Variants in WWC2 observed in about 807,000 individuals in gnomAD.
The protein encoded by WWC2 is protein WWC2.
In WWC2, 101 loss-of-function variants were observed where a neutral mutation model predicts 138.5. The ratio of observed to expected loss-of-function variants is 0.73; its 90% CI spans 0.62 to 0.86. The LOEUF (loss-of-function observed/expected upper bound fraction) is 0.86. Among genes scored for constraint, WWC2 ranks in the 40% least tolerant of loss-of-function variants. WWC2 has a pLI of 0.00. For synonymous variants in WWC2, 558 were observed against 538.4 expected (o/e 1.04, Z -0.50); for missense variants, 1,420 against 1,419.4 (o/e 1.00, Z -0.01).
At chr4:183,258,003 A>ACG (rs1481810095) in intron 9 of WWC2, among the ~76,000 whole-genome samples, 2 of 152,224 alleles carry the variant, frequency 1.3e-5, no homozygotes, top group African/African-American at 2.4e-5. Flanking sequence ...AAGGCTGAGG[A>ACG]CGCTCCCTAG....
intron 1 of WWC2, among the ~76,000 whole-genome samples, chr4:183,170,229 C>T (rs2111161591): frequency 6.6e-6 from 1 of 152,284 alleles, no homozygotes; most frequent in South Asian, 2.1e-4. Context: ...ATGCTTGATC[C>T]ATTATCTGTC....
intron 16 of WWC2, among the ~76,000 whole-genome samples, chr4:183,271,607 A>C (rs1560879417): frequency 6.6e-6 from 1 of 152,374 alleles, no homozygotes; most frequent in South Asian, 2.1e-4. Context: ...GTCAGGTTAT[A>C]CATTTGGCAC....
chr4:183,320,417 A>T lies in WWC2; in HGVS notation c.*4688A>T. ...AAAGGATAGGGAAATAATGCCGCCA[A>T]CCAGTAATGCCAAGGTGTGGCCAAG... On this transcript the variant is annotated 3_prime_UTR_variant, in exon 23 of 23. Transcript: ENST00000403733. 1.6e-6 allele frequency: 1 copy of T among 616,800 alleles called. No individual in the cohort carries two copies. Among genetic ancestry groups the T allele is most frequent in the Non-Finnish European group, 2.9e-6 (1 of 349,280 alleles). The allele number at this position is 616,800 out of a possible 1,614,324, so 38.2% of individuals were successfully genotyped here. A position where few individuals can be genotyped will look rare whatever the true frequency, so the allele number is the denominator to read the frequency against.
intron 5 of WWC2, among the ~76,000 whole-genome samples, chr4:183,243,957 C>A: frequency 6.6e-6 from 1 of 152,038 alleles, no homozygotes; most frequent in Non-Finnish European, 1.5e-5. Flanking sequence ...ATAAACCGCT[C>A]TTGTTTGAGT....
At chr4:183,225,725 A>C (rs959977770) in intron 4 of WWC2, among the ~76,000 whole-genome samples, 4 of 152,358 alleles carry the variant, frequency 2.6e-5, no homozygotes, top group African/African-American at 7.2e-5. Flanking sequence ...ACTGTTTTAC[A>C]CAAGTGATGT....
intron 1 of WWC2, among the ~76,000 whole-genome samples, chr4:183,189,436 C>CAA (rs201076553): frequency 8.2e-5 from 7 of 85,852 alleles, no homozygotes; most frequent in Non-Finnish European, 7.5e-5. Flanking sequence ...GACTCAGTCT[C>CAA]AAAAAAAAAA....
intron 1 of WWC2, among the ~76,000 whole-genome samples, chr4:183,117,975 A>AT (rs5864816): frequency 0.33 from 48,934 of 150,532 alleles, 8,034 homozygotes; most frequent in South Asian, 0.45. Context: ...TAATTTTTGT[A>AT]TTTTAGTAGA....
chr4:183,266,597 G>A (rs974810963), intron 14 of WWC2, among the ~76,000 whole-genome samples: 3 of 152,178 alleles, frequency 2.0e-5, no homozygotes, highest in Non-Finnish European at 4.4e-5. Context: ...TCTGACATCA[G>A]AGTTTCAGTG....
chr4:183,282,761 A>G lies in WWC2; in HGVS notation c.2738A>G (p.Glu913Gly). 1 of 1,580,408 alleles carries G rather than the reference A, an allele frequency of 6.3e-7. No homozygotes were observed. Among genetic ancestry groups the G allele is most frequent in the Non-Finnish European group, 8.6e-7 (1 of 1,162,452 alleles). The change falls in exon 18 of 23, where the codon GAA (glutamate) becomes GGA (glycine). Residue 913 changes from glutamate to glycine, a missense_variant. Coordinates refer to ENST00000403733, the MANE Select transcript of WWC2 (RefSeq NM_024949.6). Reference protein sequence around the residue: ...SDEIVAEKEAEVKLPEDSSCT... With the variant: ...SDEIVAEKEAGVKLPEDSSCT... Reference sequence around the variant, plus strand: ...GAAATTGTGGCTGAAAAAGAGGCTGAAGTTAAATTGCCAGAGGACAGTAGC... The same window carrying G: ...GAAATTGTGGCTGAAAAAGAGGCTGGAGTTAAATTGCCAGAGGACAGTAGC...
intron 4 of WWC2, among the ~76,000 whole-genome samples, chr4:183,229,764 T>G (rs555030683): frequency 6.6e-6 from 1 of 152,210 alleles, no homozygotes; most frequent in African/African-American, 2.4e-5. Context: ...AGTGAGGAAC[T>G]GTCACAGACT....
At chr4:183,280,296 G>C (rs1323217428) in intron 16 of WWC2, among the ~76,000 whole-genome samples, 2 of 124,430 alleles carry the variant, frequency 1.6e-5, no homozygotes, top group African/African-American at 6.0e-5. Context: ...AGGCAGCTTA[G>C]GAATGGCAAA....
intron 4 of WWC2, among the ~76,000 whole-genome samples, chr4:183,237,865 C>CT (rs1023213650): frequency 6.0e-5 from 9 of 151,082 alleles, no homozygotes; most frequent in South Asian, 2.1e-4. Flanking sequence ...CGAGGATGCC[C>CT]TTTTTTTTTC....
chr4:183,260,112 G>A (rs1162106724), intron 10 of WWC2, among the ~76,000 whole-genome samples: 3 of 152,112 alleles, frequency 2.0e-5, no homozygotes, highest in East Asian at 3.8e-4. Flanking sequence ...AAACGTGAGC[G>A]AACCCAAGGG....
At chr4:183,232,686 C>T (rs1459416573) in intron 4 of WWC2, among the ~76,000 whole-genome samples, 3 of 152,060 alleles carry the variant, frequency 2.0e-5, no homozygotes, top group Admixed American at 1.3e-4. Context: ...TTCTCTCAGT[C>T]GCCCAGGCTG....
intron 2 of WWC2, among the ~76,000 whole-genome samples, chr4:183,195,195 TAAAC>T (rs1382831512): frequency 1.1e-4 from 16 of 152,208 alleles, no homozygotes; most frequent in African/African-American, 1.7e-4. Context: ...TCATTGCAAA[TAAAC>T]AAGTCAGTGA....
intron 16 of WWC2, among the ~76,000 whole-genome samples, chr4:183,278,271 A>G (rs1737936321): frequency 6.6e-6 from 1 of 152,118 alleles, no homozygotes; most frequent in Admixed American, 6.5e-5. Context: ...CAGGTTTGTC[A>G]AAGATCAGAT....
At chr4:183,271,445 T>C (rs1323450005) in intron 16 of WWC2, among the ~76,000 whole-genome samples, 2 of 152,204 alleles carry the variant, frequency 1.3e-5, no homozygotes, top group African/African-American at 2.4e-5. Context: ...GTTTCAAATA[T>C]GGTTTATAAA....
chr4:183,105,568 T>C (rs1743323773), intron 1 of WWC2, among the ~76,000 whole-genome samples: 1 of 152,176 alleles, frequency 6.6e-6, no homozygotes, highest in Non-Finnish European at 1.5e-5. Context: ...ATGAACTTGA[T>C]TGAAATTGGT....
At chr4:183,162,858 A>AT (rs1734000460) in intron 1 of WWC2, among the ~76,000 whole-genome samples, 1 of 152,140 alleles carries the variant, frequency 6.6e-6, no homozygotes, top group African/African-American at 2.4e-5. Flanking sequence ...ACAATCCCAA[A>AT]GCCTTATCAA....
Sources: gnomAD v4.1 joint callset for allele counts (sites outside exome capture counted in the v4.1 genomes callset) on GRCh38, gnomAD v4.1.1 for gene constraint, MANE v1.5 for transcripts, NCBI Gene and HGNC (gene_info 2026-07-23, HGNC 2026-07-21) for gene names.